Variants in CHL1 observed in about 807,000 individuals in gnomAD.
The protein encoded by CHL1 is cell adhesion molecule L1 like, also known as neural cell adhesion molecule L1-like protein.
Under a neutral mutation model 141.9 loss-of-function variants are expected in CHL1, and 96 were observed. The ratio of observed to expected loss-of-function variants is 0.68; its 90% CI spans 0.57 to 0.80. The LOEUF (loss-of-function observed/expected upper bound fraction) is 0.80. Ranked by LOEUF, CHL1 falls within the 30% of genes least tolerant of loss-of-function variation. CHL1 has a pLI of 0.00. For missense variants in CHL1, 1,820 were observed against 1,457.2 expected (o/e 1.25, Z -4.05); for synonymous variants, 613 against 502.2 (o/e 1.22, Z -2.95).
intron 2 of CHL1, among the ~76,000 whole-genome samples, chr3:254,134 T>A (rs551089113): frequency 9.8e-5 from 15 of 152,300 alleles, no homozygotes; most frequent in Admixed American, 6.5e-4. Flanking sequence ...AGCCCTGCTT[T>A]AGGGATTGCC....
At position 320,758 on chromosome 3, in the gene CHL1, C is replaced by A. The variant is rs10048911; in HGVS notation, c.91+891C>A. Among the ~76,000 whole-genome samples the A allele has an allele frequency of 9.1e-3, 1,391 of 152,086 alleles. 21 individuals are homozygous for A. The highest frequency in any genetic ancestry group is 0.032 in the African/African-American group (1,338 of 41,494). On this transcript the variant is annotated intron_variant, in intron 3 of 27. Transcript: ENST00000256509. ...GAACATATGTAATAGTATATCAAGT[C>A]TGCCATGTATAGATCTTGCAGATTT... is the stretch of plus-strand genomic sequence containing the variant.
chr3:232,951 T>G (rs1218044886), intron 1 of CHL1, among the ~76,000 whole-genome samples: 1 of 152,102 alleles, frequency 6.6e-6, no homozygotes, highest in Non-Finnish European at 1.5e-5. Context: ...TCTCTAAGTT[T>G]AGAGCTGGAC....
In CHL1 at chr3:322,672, TTATA is replaced by T. The variant is rs1199118265; in HGVS notation, c.91+2818_91+2821del. 1.3e-4 allele frequency among the ~76,000 whole-genome samples: 16 copies of T among 127,860 alleles called. 1 individual carries two copies. The East Asian group carries it at 2.0e-3, about 16-fold the overall frequency. The allele number at this position is 127,860 out of a possible 152,430, so 83.9% of individuals were successfully genotyped here. A position where few individuals can be genotyped will look rare whatever the true frequency, so the allele number is the denominator to read the frequency against. On this transcript the variant is annotated intron_variant, in intron 3 of 27. Coordinates refer to ENST00000256509, the MANE Select transcript of CHL1 (RefSeq NM_006614.4). ...TATATATATATATATATATATATAA[TTATA>T]TATATATATATAAAACGAATAGCTG...
At chr3:341,863 C>G in intron 6 of CHL1, 49 bp from the exon 7 acceptor site, 1 of 1,376,658 alleles carries the variant, frequency 7.3e-7, no homozygotes. Context: ...GAAGATGAAG[C>G]ACAGTAAGGG....
At chr3:354,870 G>A in intron 11 of CHL1, 99 bp downstream of exon 11, 8 of 1,446,266 alleles carry the variant, frequency 5.5e-6, no homozygotes, top group Non-Finnish European at 7.6e-6. Context: ...TATGTGGTTG[G>A]ATTAGCAGGA....
chr3:355,029 A>C (rs962453121), intron 11 of CHL1, among the ~76,000 whole-genome samples: 25 of 152,204 alleles, frequency 1.6e-4, no homozygotes, highest in Non-Finnish European at 2.9e-5. Flanking sequence ...AATTTTTAAA[A>C]AGAAAATTGA....
At chr3:211,543 C>T (rs751461428) in intron 1 of CHL1, among the ~76,000 whole-genome samples, 11 of 152,184 alleles carry the variant, frequency 7.2e-5, no homozygotes, top group Non-Finnish European at 1.0e-4. Context: ...CCTACCATCA[C>T]GTTCTTCCTT....
In CHL1 at chr3:406,230, A is replaced by G. The variant is rs1448028102; in HGVS notation, c.*519A>G. On this transcript the variant is annotated 3_prime_UTR_variant, in exon 28 of 28. Transcript: ENST00000256509. ...TGAAAATATACAGTCTAAATTTATT[A>G]TTTAAATTTTACTAGCAAAAGTCTT... 2 of 152,414 alleles carry G rather than the reference A, an allele frequency of 1.3e-5. No homozygotes were observed. The highest frequency in any genetic ancestry group is 4.8e-5 in the African/African-American group (2 of 41,458). 9.4% of individuals were successfully genotyped at this position (152,414 alleles called of 1,614,324 possible). A position where few individuals can be genotyped will look rare whatever the true frequency, so the allele number is the denominator to read the frequency against.
chr3:366,987 T>C (rs1704981930), intron 15 of CHL1, among the ~76,000 whole-genome samples: 1 of 152,238 alleles, frequency 6.6e-6, no homozygotes, highest in Non-Finnish European at 1.5e-5. Context: ...TCTGGGATTC[T>C]TCCTGCCAGA....
chr3:251,413 G>A (rs531846412), intron 2 of CHL1, among the ~76,000 whole-genome samples: 1 of 152,252 alleles, frequency 6.6e-6, no homozygotes, highest in South Asian at 2.1e-4. Context: ...CTGAACCTGA[G>A]GCTGCTAATC....
rs190439393 is a variant in CHL1 at position 260,570 on chromosome 3, G to C, written c.-95+15878G>C. ...ATAACATTCCGATACCAGCACGACA[G>C]CAGATTCACACAGGCACAGGCACTT... On this transcript the variant is annotated intron_variant, in intron 2 of 27. Coordinates refer to ENST00000256509, the MANE Select transcript of CHL1 (RefSeq NM_006614.4). Among the ~76,000 whole-genome samples, 284 of 152,284 alleles carry C rather than the reference G, an allele frequency of 1.9e-3. 2 individuals carry two copies. The highest frequency in any genetic ancestry group is 6.5e-3 in the African/African-American group (272 of 41,568).
intron 12 of CHL1, among the ~76,000 whole-genome samples, chr3:360,969 A>C (rs1704191952): frequency 6.6e-6 from 1 of 151,606 alleles, no homozygotes; most frequent in South Asian, 2.1e-4. Flanking sequence ...TATGTGCCAC[A>C]TTTTCTTAAT....
chr3:305,353 A>G (rs1035794613), intron 2 of CHL1, among the ~76,000 whole-genome samples: 3 of 152,142 alleles, frequency 2.0e-5, no homozygotes, highest in East Asian at 1.9e-4. Flanking sequence ...TTTCTAGAGT[A>G]GAGTGAATGC....
chr3:281,285 A>C (rs1440137504), intron 2 of CHL1, among the ~76,000 whole-genome samples: 1 of 152,148 alleles, frequency 6.6e-6, no homozygotes, highest in Non-Finnish European at 1.5e-5. Context: ...TACTCCCCAC[A>C]AATTTGCCCA....
In CHL1 at chr3:390,311, G is replaced by C. The variant is rs188135658; in HGVS notation, c.2471-390G>C. On this transcript the variant is annotated intron_variant, in intron 20 of 27. Coordinates refer to ENST00000256509, the MANE Select transcript of CHL1 (RefSeq NM_006614.4). ...TGAACCAATTTAGGTAAGTCCCTTA[G>C]AACAGTGCCTGACACATAGCATATG... 5.3e-5 allele frequency among the ~76,000 whole-genome samples: 8 copies of C among 152,310 alleles called. No homozygotes were observed. In the East Asian group the frequency reaches 1.5e-3, roughly 29 times the overall value.
At chr3:290,386 T>C (rs2125336463) in intron 2 of CHL1, among the ~76,000 whole-genome samples, 1 of 152,232 alleles carries the variant, frequency 6.6e-6, no homozygotes, top group East Asian at 1.9e-4. Flanking sequence ...TATTAGCAAA[T>C]AGCTGTATTT....
At chr3:253,085 T>C (rs1693847240) in intron 2 of CHL1, among the ~76,000 whole-genome samples, 3 of 152,168 alleles carry the variant, frequency 2.0e-5, no homozygotes, top group South Asian at 4.1e-4. Flanking sequence ...AGTTACTTAA[T>C]CTTTATGAGC....
chr3:405,975 C>A lies in CHL1; in HGVS notation c.*264C>A. ...ACAAATCCTGCATTTAGATACACCT[C>A]AACTAAATCCAAAGTCCCCATTCAG... is the stretch of plus-strand genomic sequence containing the variant. On this transcript the variant is annotated 3_prime_UTR_variant, in exon 28 of 28. Transcript: ENST00000256509. 1 of 370,410 alleles carries A rather than the reference C, an allele frequency of 2.7e-6. No homozygotes were observed. 22.9% of individuals were successfully genotyped at this position (370,410 alleles called of 1,614,324 possible). A position where few individuals can be genotyped will look rare whatever the true frequency, so the allele number is the denominator to read the frequency against.
In CHL1 at chr3:372,571, A is replaced by G. The variant is rs376871883; in HGVS notation, c.1752-5247A>G. Reference sequence around the variant, plus strand: ...TTAGAACATTCTCCTTTAGGTCAGCATAGTTTTTTATTACCCATCCTCTGA... The same window carrying G: ...TTAGAACATTCTCCTTTAGGTCAGCGTAGTTTTTTATTACCCATCCTCTGA... On this transcript the variant is annotated intron_variant, in intron 15 of 27. Transcript: ENST00000256509. Among the ~76,000 whole-genome samples, 12 of 152,138 alleles carry G rather than the reference A, an allele frequency of 7.9e-5. 1 individual carries two copies. Among genetic ancestry groups the G allele is most frequent in the African/African-American group, 2.9e-4 (12 of 41,530 alleles).
Sources: allele counts gnomAD v4.1 joint callset (sites outside exome capture counted in the v4.1 genomes callset), GRCh38; gene constraint gnomAD v4.1.1; transcripts MANE v1.5; gene names NCBI Gene and HGNC (gene_info 2026-07-23, HGNC 2026-07-21).